The following INPP4B variants were observed in gnomAD, a reference collection of about 807,000 sequenced individuals.
INPP4B encodes the protein inositol polyphosphate-4-phosphatase type II B.
Under a neutral mutation model 122.5 loss-of-function variants are expected in INPP4B, and 55 were observed. The ratio of observed to expected loss-of-function variants is 0.45; its 90% CI spans 0.36 to 0.56. The LOEUF is 0.56. INPP4B is among the 20% of genes least tolerant of loss of function. The probability of loss-of-function intolerance (pLI) is 0.00; values close to 1 mark genes in which losing one functional copy is unlikely to be tolerated. For missense variants in INPP4B, 1,000 were observed against 1,097.7 expected (o/e 0.91, Z 1.26); for synonymous variants, 403 against 388.7 (o/e 1.04, Z -0.43).
At chr4:142,141,783 A>G (rs1807959636) in intron 18 of INPP4B, among the ~76,000 whole-genome samples, 1 of 152,144 alleles carries the variant, frequency 6.6e-6, no homozygotes, top group Non-Finnish European at 1.5e-5. Context: ...TAAAAGTAGC[A>G]CAACCCAGAT....
intron 3 of INPP4B, among the ~76,000 whole-genome samples, chr4:142,431,783 C>A (rs1033513175): frequency 5.3e-5 from 8 of 152,002 alleles, no homozygotes; most frequent in African/African-American, 1.9e-4. Flanking sequence ...TAGAATTGCC[C>A]TTTATGCTCA....
intron 2 of INPP4B, among the ~76,000 whole-genome samples, chr4:142,636,096 C>G (rs184772911): frequency 1.9e-4 from 29 of 152,180 alleles, no homozygotes; most frequent in Non-Finnish European, 2.9e-4. Context: ...CGCACAAGAT[C>G]TGATGGTTTT....
chr4:142,038,838 A>C (rs908968148), intron 25 of INPP4B, among the ~76,000 whole-genome samples: 2 of 152,184 alleles, frequency 1.3e-5, no homozygotes, highest in Non-Finnish European at 2.9e-5. Flanking sequence ...CCTATCATGC[A>C]ATACGACGTC....
intron 11 of INPP4B, among the ~76,000 whole-genome samples, chr4:142,245,182 CTGA>C (rs1261417779): frequency 2.0e-5 from 3 of 152,140 alleles, no homozygotes; most frequent in African/African-American, 7.2e-5. Flanking sequence ...CCTGTTCACT[CTGA>C]TGATAGTTTC....
chr4:142,479,895 C>A (rs1476387897), intron 2 of INPP4B, among the ~76,000 whole-genome samples: 3 of 152,058 alleles, frequency 2.0e-5, no homozygotes, highest in African/African-American at 7.2e-5. Context: ...ATCTGTACAC[C>A]AAAACCCCTT....
chr4:142,099,758 T>C (rs1281444921), intron 23 of INPP4B, among the ~76,000 whole-genome samples: 2 of 152,204 alleles, frequency 1.3e-5, no homozygotes, highest in Non-Finnish European at 2.9e-5. Context: ...CTGAGTTGTT[T>C]TACATATATG....
intron 9 of INPP4B, among the ~76,000 whole-genome samples, chr4:142,278,956 A>C (rs979269756): frequency 3.9e-5 from 6 of 151,968 alleles, no homozygotes; most frequent in African/African-American, 1.4e-4. Context: ...TTTGGAAAAC[A>C]GAAGTGAGAT....
chr4:142,114,609 G>C (rs1318213547), intron 21 of INPP4B, among the ~76,000 whole-genome samples: 3 of 151,812 alleles, frequency 2.0e-5, no homozygotes, highest in Non-Finnish European at 4.4e-5. Context: ...TTTAAATTAG[G>C]TTTTTGGTGT....
chr4:142,708,748 C>T (rs1478026183), intron 2 of INPP4B, among the ~76,000 whole-genome samples: 1 of 152,182 alleles, frequency 6.6e-6, no homozygotes, highest in Non-Finnish European at 1.5e-5. Flanking sequence ...CATGGAGAAT[C>T]TCTACTAGGG....
intron 1 of INPP4B, among the ~76,000 whole-genome samples, chr4:142,742,392 A>T (rs1768033680): frequency 6.6e-6 from 1 of 151,840 alleles, no homozygotes; most frequent in Admixed American, 6.6e-5. Flanking sequence ...TTCTGTTTTC[A>T]TTTTTCTGAT....
intron 9 of INPP4B, among the ~76,000 whole-genome samples, chr4:142,295,674 C>T (rs1444875425): frequency 2.6e-5 from 4 of 151,856 alleles, no homozygotes; most frequent in Admixed American, 1.3e-4. Context: ...TGAGCATCTT[C>T]GAGGGCCTTG....
chr4:142,805,335 T>C (rs1041893891), intron 1 of INPP4B, among the ~76,000 whole-genome samples: 6 of 152,166 alleles, frequency 3.9e-5, no homozygotes, highest in African/African-American at 1.4e-4. Flanking sequence ...GAGTCAATTA[T>C]AAGTAGAAAG....
intron 1 of INPP4B, among the ~76,000 whole-genome samples, chr4:142,738,933 T>C (rs1267412795): frequency 6.6e-6 from 1 of 152,126 alleles, no homozygotes; most frequent in Non-Finnish European, 1.5e-5. Context: ...TATCAAGTAT[T>C]CACTTACAAG....
chr4:142,145,073 T>G (rs1184394760), intron 18 of INPP4B, among the ~76,000 whole-genome samples: 1 of 152,134 alleles, frequency 6.6e-6, no homozygotes, highest in Non-Finnish European at 1.5e-5. Context: ...TTTGCCTTGG[T>G]TTTTGTGTCA....
chr4:142,257,827 T>G (rs1737189257), intron 11 of INPP4B, among the ~76,000 whole-genome samples: 1 of 151,872 alleles, frequency 6.6e-6, no homozygotes, highest in East Asian at 1.9e-4. Flanking sequence ...ACAAATGACT[T>G]TCTTCACAGA....
intron 7 of INPP4B, among the ~76,000 whole-genome samples, chr4:142,332,218 G>A (rs898921188): frequency 1.3e-5 from 2 of 151,910 alleles, no homozygotes; most frequent in Admixed American, 6.6e-5. Flanking sequence ...ATGTTTCAGG[G>A]ACCTCAGATG....
intron 2 of INPP4B, among the ~76,000 whole-genome samples, chr4:142,698,230 C>T (rs2150747880): frequency 6.6e-6 from 1 of 151,874 alleles, no homozygotes; most frequent in South Asian, 2.1e-4. Context: ...CAATTTTTTT[C>T]TGAAACAAAT....
At chr4:142,258,639 C>G (rs1420566180) in intron 11 of INPP4B, among the ~76,000 whole-genome samples, 1 of 152,174 alleles carries the variant, frequency 6.6e-6, no homozygotes, top group African/African-American at 2.4e-5. Flanking sequence ...AAATGCAAAT[C>G]AAAACCACAA....
chr4:142,836,770 C>T (rs1386469212), intron 1 of INPP4B, among the ~76,000 whole-genome samples: 1 of 140,918 alleles, frequency 7.1e-6, no homozygotes, highest in Non-Finnish European at 1.6e-5. Flanking sequence ...TCAACTTATC[C>T]ATAAACACAT....
Sources: gnomAD v4.1 joint callset for allele counts (sites outside exome capture counted in the v4.1 genomes callset) on GRCh38, gnomAD v4.1.1 for gene constraint, MANE v1.5 for transcripts, NCBI Gene and HGNC (gene_info 2026-07-23, HGNC 2026-07-21) for gene names.